The following PTPRG variants were observed in gnomAD, a reference collection of about 807,000 sequenced individuals.
PTPRG encodes the protein receptor-type tyrosine-protein phosphatase gamma.
A neutral mutation model predicts 165.3 loss-of-function variants in PTPRG; 102 were observed. The observed-to-expected ratio is 0.62, with a 90% CI of 0.53 to 0.73. The LOEUF is 0.73. Among genes scored for constraint, PTPRG ranks in the 30% least tolerant of loss-of-function variants. The probability of loss-of-function intolerance (pLI) is 0.00; values close to 1 mark genes in which losing one functional copy is unlikely to be tolerated. For synonymous variants in PTPRG, 675 were observed against 669.5 expected (o/e 1.01, Z -0.13); for missense variants, 1,866 against 1,861.4 (o/e 1.00, Z -0.05).
chr3:62,268,883 C>T (rs1031874485), intron 19 of PTPRG, 152 bp from the exon 20 acceptor site: 2 of 773,766 alleles, frequency 2.6e-6, no homozygotes, highest in African/African-American at 1.8e-5. Flanking sequence ...AGAGGTCACA[C>T]CTGCCTTTAA....
intron 2 of PTPRG, among the ~76,000 whole-genome samples, chr3:61,822,010 A>C (rs999258290): frequency 3.9e-5 from 6 of 152,252 alleles, no homozygotes; most frequent in African/African-American, 1.4e-4. Context: ...CTCCTTCATC[A>C]TCAGGGATTA....
intron 2 of PTPRG, among the ~76,000 whole-genome samples, chr3:61,962,813 G>T (rs1042002609): frequency 1.3e-5 from 2 of 152,086 alleles, no homozygotes; most frequent in Non-Finnish European, 2.9e-5. Flanking sequence ...TGTTTTTACG[G>T]TACTCATATT....
intron 2 of PTPRG, among the ~76,000 whole-genome samples, chr3:61,953,528 T>G (rs2039948413): frequency 6.6e-6 from 1 of 152,108 alleles, no homozygotes. Flanking sequence ...CCTAGTAAAT[T>G]AAGGTTGTAT....
chr3:61,652,750 G>A (rs1702390714), intron 1 of PTPRG, among the ~76,000 whole-genome samples: 1 of 152,196 alleles, frequency 6.6e-6, no homozygotes, highest in African/African-American at 2.4e-5. Flanking sequence ...TGTAGGATGT[G>A]TAGTAGTATT....
intron 1 of PTPRG, among the ~76,000 whole-genome samples, chr3:61,719,499 C>T (rs1311136551): frequency 6.6e-6 from 1 of 152,172 alleles, no homozygotes; most frequent in African/African-American, 2.4e-5. Flanking sequence ...GCCAGTTTTC[C>T]TCTGTGATAC....
At chr3:62,205,001 A>C (rs1029221923) in intron 12 of PTPRG, among the ~76,000 whole-genome samples, 2 of 151,986 alleles carry the variant, frequency 1.3e-5, no homozygotes. Flanking sequence ...TGGAGTTATA[A>C]GAGTGCAAAA....
rs187683864 is a variant in PTPRG at position 61,745,175 on chromosome 3, C to T, written c.86-3703C>T. Reference sequence around the variant, plus strand: ...AAGCGATTCTCCTGCCTCAGCCTCCCGAGTAGCTGGGACTGCAGGCGTGCC... The same window carrying T: ...AAGCGATTCTCCTGCCTCAGCCTCCTGAGTAGCTGGGACTGCAGGCGTGCC... On this transcript the variant is annotated intron_variant, in intron 1 of 29. Transcript: ENST00000474889. Among the ~76,000 whole-genome samples, 13 of 151,510 alleles carry T rather than the reference C, an allele frequency of 8.6e-5. No individual in the cohort carries two copies. In the East Asian group the frequency reaches 1.8e-3, roughly 20 times the overall value.
At chr3:62,123,084 A>G (rs1703138933) in intron 5 of PTPRG, among the ~76,000 whole-genome samples, 1 of 152,222 alleles carries the variant, frequency 6.6e-6, no homozygotes, top group South Asian at 2.1e-4. Flanking sequence ...ACACACATTT[A>G]TCATCTCAGT....
chr3:61,883,709 T>G (rs1428781781), intron 2 of PTPRG, among the ~76,000 whole-genome samples: 1 of 152,138 alleles, frequency 6.6e-6, no homozygotes, highest in African/African-American at 2.4e-5. Flanking sequence ...CGCTCTTTTT[T>G]TGGAAGGCAG....
At chr3:61,713,727 G>C (rs1158917737) in intron 1 of PTPRG, among the ~76,000 whole-genome samples, 1 of 152,126 alleles carries the variant, frequency 6.6e-6, no homozygotes, top group African/African-American at 2.4e-5. Flanking sequence ...TCCTGTGTGT[G>C]GCAGGCAGCG....
At chr3:62,232,076 C>T (rs1700916845) in intron 14 of PTPRG, among the ~76,000 whole-genome samples, 2 of 151,912 alleles carry the variant, frequency 1.3e-5, no homozygotes, top group South Asian at 4.2e-4. Context: ...AGGAGCAGTC[C>T]CTTTTTACTT....
chr3:61,849,172 A>G (rs924082224), intron 2 of PTPRG, among the ~76,000 whole-genome samples: 1 of 152,172 alleles, frequency 6.6e-6, no homozygotes, highest in Non-Finnish European at 1.5e-5. Context: ...CTGTGGAGTC[A>G]TTTTTGGACA....
chr3:62,102,397 C>G (rs1576005165), intron 5 of PTPRG, among the ~76,000 whole-genome samples: 1 of 152,180 alleles, frequency 6.6e-6, no homozygotes, highest in African/African-American at 2.4e-5. Flanking sequence ...GCCTCAGCCT[C>G]CCGAGTAGCG....
At chr3:61,990,478 C>T (rs531090946) in intron 3 of PTPRG, among the ~76,000 whole-genome samples, 2 of 152,320 alleles carry the variant, frequency 1.3e-5, no homozygotes, top group South Asian at 2.1e-4. Flanking sequence ...TATGCAGCAT[C>T]GTCTTTTTAC....
chr3:61,807,411 G>A (rs1327390057), intron 2 of PTPRG, among the ~76,000 whole-genome samples: 1 of 152,116 alleles, frequency 6.6e-6, no homozygotes, highest in African/African-American at 2.4e-5. Context: ...CAGTGACATT[G>A]TCAGAACTTA....
intron 8 of PTPRG, among the ~76,000 whole-genome samples, chr3:62,186,294 C>T (rs1160884716): frequency 6.6e-6 from 1 of 152,144 alleles, no homozygotes; most frequent in Non-Finnish European, 1.5e-5. Context: ...TACATGGAAT[C>T]CTCTTCAATG....
At chr3:61,668,837 G>T (rs1211763904) in intron 1 of PTPRG, among the ~76,000 whole-genome samples, 1 of 152,102 alleles carries the variant, frequency 6.6e-6, no homozygotes, top group Non-Finnish European at 1.5e-5. Flanking sequence ...CACTAAGGCT[G>T]TCATTTCTTA....
At chr3:61,765,353 C>T (rs1253112542) in intron 2 of PTPRG, among the ~76,000 whole-genome samples, 1 of 152,166 alleles carries the variant, frequency 6.6e-6, no homozygotes, top group Admixed American at 6.5e-5. Context: ...GTTGATTGTG[C>T]TGCAGTAAAG....
chr3:61,943,824 G>A (rs1219149097), intron 2 of PTPRG, among the ~76,000 whole-genome samples: 1 of 152,122 alleles, frequency 6.6e-6, no homozygotes, highest in Non-Finnish European at 1.5e-5. Flanking sequence ...CCAGAGGATT[G>A]GATAACTGCT....
Sources: gnomAD v4.1 joint callset for allele counts (sites outside exome capture counted in the v4.1 genomes callset) on GRCh38, gnomAD v4.1.1 for gene constraint, MANE v1.5 for transcripts, NCBI Gene and HGNC (gene_info 2026-07-23, HGNC 2026-07-21) for gene names.